The following ROBO1 variants were observed in gnomAD, a reference collection of about 807,000 sequenced individuals.
The protein encoded by ROBO1 is roundabout guidance receptor 1, also known as roundabout homolog 1.
A neutral mutation model predicts 195.9 loss-of-function variants in ROBO1; 149 were observed. That is an observed-to-expected ratio of 0.76 (90% CI 0.67 to 0.87). ROBO1 has a LOEUF of 0.87. Among genes scored for constraint, ROBO1 ranks in the 40% least tolerant of loss-of-function variants. The probability of loss-of-function intolerance (pLI) is 0.00; values close to 1 mark genes in which losing one functional copy is unlikely to be tolerated. For synonymous variants in ROBO1, 816 were observed against 733.2 expected, an observed-to-expected ratio of 1.11 and a Z score of -1.82; for missense variants, 1,933 against 2,068.3, an observed-to-expected ratio of 0.93 and a Z score of 1.27.
chr3:79,597,071 A>T (rs1174213226), intron 1 of ROBO1, among the ~76,000 whole-genome samples: 3 of 152,000 alleles, frequency 2.0e-5, no homozygotes, highest in Non-Finnish European at 4.4e-5. Flanking sequence ...CTGTTTCCAA[A>T]ATCTAAAGCT....
intron 1 of ROBO1, among the ~76,000 whole-genome samples, chr3:79,656,182 T>G (rs1946152126): frequency 6.6e-6 from 1 of 151,964 alleles, no homozygotes; most frequent in Non-Finnish European, 1.5e-5. Context: ...TTAAAAGGAA[T>G]TCTAAGAATT....
chr3:78,959,293 AAGAG>A (rs2041218099), intron 3 of ROBO1, among the ~76,000 whole-genome samples: 1 of 146,096 alleles, frequency 6.8e-6, no homozygotes, highest in African/African-American at 2.4e-5. Flanking sequence ...GTGTGAAAGA[AAGAG>A]ATTGTCACAT....
chr3:79,649,403 C>T (rs560274518), intron 1 of ROBO1, among the ~76,000 whole-genome samples: 9 of 151,816 alleles, frequency 5.9e-5, no homozygotes, highest in East Asian at 1.9e-4. Context: ...AAACCTGAAG[C>T]GATAATAAAG....
chr3:78,737,081 G>A (rs932678686), intron 5 of ROBO1, among the ~76,000 whole-genome samples: 2 of 152,108 alleles, frequency 1.3e-5, no homozygotes, highest in Non-Finnish European at 2.9e-5. Context: ...GTTGATGATA[G>A]CATTGCCCAA....
In ROBO1 at chr3:79,354,082, T is replaced by A. The variant is rs144641129; in HGVS notation, c.89-228543A>T. Among the ~76,000 whole-genome samples the A allele has an allele frequency of 3.2e-3, 486 of 152,172 alleles. 3 individuals are homozygous for A. The highest frequency in any genetic ancestry group is 0.011 in the African/African-American group (450 of 41,528). ...AAAGTTATTAAGTTATTGTAATAGT[T>A]TAGGAAGGGCACTATACTACTGTTG... On this transcript the variant is annotated intron_variant, in intron 2 of 30. Transcript: ENST00000464233.
At chr3:78,686,064 C>A (rs896784283) in intron 9 of ROBO1, 147 bp from the exon 10 acceptor site, 3 of 622,340 alleles carry the variant, frequency 4.8e-6, no homozygotes, top group Non-Finnish European at 8.1e-6. Context: ...TATACACACA[C>A]AAAAATGAGC....
At chr3:79,100,166 A>G (rs1169215574) in intron 3 of ROBO1, among the ~76,000 whole-genome samples, 1 of 151,862 alleles carries the variant, frequency 6.6e-6, no homozygotes, top group Non-Finnish European at 1.5e-5. Context: ...AAATAATGAT[A>G]CCAAACACAT....
At chr3:79,067,831 C>T (rs1016450047) in intron 3 of ROBO1, among the ~76,000 whole-genome samples, 1 of 151,934 alleles carries the variant, frequency 6.6e-6, no homozygotes, top group Non-Finnish European at 1.5e-5. Flanking sequence ...ATCAGGGTAA[C>T]TCACAAGGGT....
chr3:78,680,475 C>G (rs1488814970), intron 10 of ROBO1, among the ~76,000 whole-genome samples: 2 of 151,910 alleles, frequency 1.3e-5, no homozygotes, highest in Admixed American at 6.6e-5. Context: ...TGAACTCCAA[C>G]AAATTTACAA....
At chr3:78,958,983 A>C (rs1211420093) in intron 3 of ROBO1, among the ~76,000 whole-genome samples, 1 of 151,726 alleles carries the variant, frequency 6.6e-6, no homozygotes. Flanking sequence ...AATTTTGTTT[A>C]TTTTTAGTAG....
At chr3:78,687,232 C>T (rs2081071820) in intron 9 of ROBO1, among the ~76,000 whole-genome samples, 2 of 152,096 alleles carry the variant, frequency 1.3e-5, no homozygotes, top group South Asian at 4.1e-4. Context: ...ACAAATATTT[C>T]CTTCTAAAAT....
intron 1 of ROBO1, among the ~76,000 whole-genome samples, chr3:79,749,234 G>T (rs1704016050): frequency 6.6e-6 from 1 of 152,108 alleles, no homozygotes; most frequent in Non-Finnish European, 1.5e-5. Context: ...GTGGAACTTT[G>T]AACTTGAGAG....
intron 4 of ROBO1, among the ~76,000 whole-genome samples, chr3:78,896,947 A>G (rs2037275998): frequency 1.3e-5 from 2 of 152,210 alleles, no homozygotes; most frequent in Admixed American, 6.5e-5. Flanking sequence ...TTCTTAGTTC[A>G]CAATCAACGG....
At chr3:79,497,474 TATTG>T (rs1447805336) in intron 2 of ROBO1, among the ~76,000 whole-genome samples, 1 of 152,192 alleles carries the variant, frequency 6.6e-6, no homozygotes, top group Non-Finnish European at 1.5e-5. Context: ...ACTGGAAAAG[TATTG>T]ATTAATTGAA....
intron 1 of ROBO1, among the ~76,000 whole-genome samples, chr3:79,716,957 G>T (rs1299129933): frequency 6.6e-6 from 1 of 151,844 alleles, no homozygotes; most frequent in Non-Finnish European, 1.5e-5. Flanking sequence ...TTTGAACAAA[G>T]AAGTAACTAC....
At chr3:79,523,972 T>C (rs560345807) in intron 2 of ROBO1, among the ~76,000 whole-genome samples, 1 of 152,160 alleles carries the variant, frequency 6.6e-6, no homozygotes, top group Non-Finnish European at 1.5e-5. Flanking sequence ...TTTTAGATTT[T>C]GGGGGTGGAA....
chr3:79,671,989 A>C (rs1478244000), intron 1 of ROBO1, among the ~76,000 whole-genome samples: 1 of 151,954 alleles, frequency 6.6e-6, no homozygotes, highest in African/African-American at 2.4e-5. Context: ...TTCCTCTGTC[A>C]CTTAGTTTCT....
At chr3:79,016,165 A>C (rs1335236860) in intron 3 of ROBO1, among the ~76,000 whole-genome samples, 3 of 152,218 alleles carry the variant, frequency 2.0e-5, no homozygotes, top group African/African-American at 7.2e-5. Context: ...GAGTTCTGTG[A>C]AGTATTATTC....
At chr3:78,816,366 G>A (rs1311515838) in intron 4 of ROBO1, among the ~76,000 whole-genome samples, 1 of 146,926 alleles carries the variant, frequency 6.8e-6, no homozygotes, top group Admixed American at 6.9e-5. Flanking sequence ...CCAGTCACCT[G>A]AGAACTCTGA....
Sources: allele counts gnomAD v4.1 joint callset (sites outside exome capture counted in the v4.1 genomes callset), GRCh38; gene constraint gnomAD v4.1.1; transcripts MANE v1.5; gene names NCBI Gene and HGNC (gene_info 2026-07-23, HGNC 2026-07-21).